The following BANK1 variants were observed in gnomAD, a reference collection of about 807,000 sequenced individuals.
BANK1 encodes the protein B cell scaffold protein with ankyrin repeats 1, also known as B-cell scaffold protein with ankyrin repeats.
BANK1 carries 95 observed loss-of-function variants against 94.5 expected under a neutral mutation model. The observed-to-expected ratio is 1.00, with a 90% CI of 0.85 to 1.19. The LOEUF is 1.19. Among genes scored for constraint, BANK1 ranks in the 50% most tolerant of loss-of-function variants. The probability of loss-of-function intolerance (pLI) is 0.00; values close to 1 mark genes in which losing one functional copy is unlikely to be tolerated. For missense variants in BANK1, 987 were observed against 932.2 expected (o/e 1.06, Z -0.77); for synonymous variants, 334 against 308.4 (o/e 1.08, Z -0.87).
At chr4:102,047,635 G>GA (rs1392680247) in intron 11 of BANK1, among the ~76,000 whole-genome samples, 1 of 152,032 alleles carries the variant, frequency 6.6e-6, no homozygotes, top group Non-Finnish European at 1.5e-5. Context: ...ATTTTTGGGA[G>GA]AAAAATCCCT....
chr4:101,978,148 TA>T (rs201330510), intron 7 of BANK1, among the ~76,000 whole-genome samples: 14,992 of 145,284 alleles, frequency 0.1, 945 homozygotes, highest in East Asian at 0.19. Context: ...AGTAGGTACT[TA>T]AAAAAAAAAA....
At chr4:102,059,094 T>TCAA (rs1220394655) in intron 11 of BANK1, among the ~76,000 whole-genome samples, 1 of 152,222 alleles carries the variant, frequency 6.6e-6, no homozygotes, top group Non-Finnish European at 1.5e-5. Context: ...CCTAGTTATA[T>TCAA]CAACAAATTC....
intron 10 of BANK1, among the ~76,000 whole-genome samples, chr4:102,033,914 T>G (rs2148952192): frequency 6.6e-6 from 1 of 152,372 alleles, no homozygotes; most frequent in South Asian, 2.1e-4. Flanking sequence ...CCTTTTTCTT[T>G]TATGCAATTG....
intron 2 of BANK1, among the ~76,000 whole-genome samples, chr4:101,831,536 A>G (rs891373283): frequency 1.3e-5 from 2 of 152,228 alleles, no homozygotes; most frequent in African/African-American, 2.4e-5. Context: ...GTGCAGTGGC[A>G]TGAACTTGGT....
intron 13 of BANK1, among the ~76,000 whole-genome samples, chr4:102,067,425 T>C (rs1293127969): frequency 6.6e-6 from 1 of 151,980 alleles, no homozygotes; most frequent in African/African-American, 2.4e-5. Flanking sequence ...ATTTTAGATA[T>C]AAAACACAGA....
At chr4:101,873,716 A>G (rs895901198) in intron 5 of BANK1, among the ~76,000 whole-genome samples, 4 of 152,148 alleles carry the variant, frequency 2.6e-5, no homozygotes, top group Non-Finnish European at 5.9e-5. Flanking sequence ...ATAGCCTCAT[A>G]AAGGTGAAAT....
intron 1 of BANK1, among the ~76,000 whole-genome samples, chr4:101,801,292 T>C (rs1725347927): frequency 6.6e-6 from 1 of 152,224 alleles, no homozygotes; most frequent in African/African-American, 2.4e-5. Flanking sequence ...TGAATTTATT[T>C]GATGAAATAA....
intron 7 of BANK1, among the ~76,000 whole-genome samples, chr4:101,960,164 AT>A (rs1724519589): frequency 6.6e-6 from 1 of 152,146 alleles, no homozygotes; most frequent in African/African-American, 2.4e-5. Context: ...AAATCACCAA[AT>A]TACCATAGTC....
At chr4:102,002,544 TAC>T (rs10559889) in intron 7 of BANK1, among the ~76,000 whole-genome samples, 53,875 of 147,814 alleles carry the variant, frequency 0.36, 10,070 homozygotes, top group Non-Finnish European at 0.4. Context: ...TTAATACAAA[TAC>T]ACACACACAC....
intron 2 of BANK1, among the ~76,000 whole-genome samples, chr4:101,834,882 A>G (rs1726765849): frequency 6.6e-6 from 1 of 152,172 alleles, no homozygotes; most frequent in Non-Finnish European, 1.5e-5. Context: ...AGAGAAAGCT[A>G]TTTTATAATT....
intron 7 of BANK1, among the ~76,000 whole-genome samples, chr4:101,958,059 GA>G (rs2148917666): frequency 1.4e-5 from 1 of 69,330 alleles, no homozygotes; most frequent in East Asian, 3.1e-4. Flanking sequence ...TGTTAGCCAG[GA>G]TGGTCTCGCT....
chr4:102,035,664 A>C (rs986983761), intron 10 of BANK1, among the ~76,000 whole-genome samples: 4 of 142,310 alleles, frequency 2.8e-5, no homozygotes, highest in African/African-American at 1.0e-4. Context: ...AAAAAAAAAA[A>C]ACTGAACCCA....
intron 1 of BANK1, among the ~76,000 whole-genome samples, chr4:101,800,421 T>C (rs1473016382): frequency 6.6e-6 from 1 of 152,196 alleles, no homozygotes; most frequent in Non-Finnish European, 1.5e-5. Context: ...GTATTGATCT[T>C]AATGGAGAAT....
At chr4:101,902,644 C>T (rs1722322763) in intron 6 of BANK1, among the ~76,000 whole-genome samples, 1 of 152,184 alleles carries the variant, frequency 6.6e-6, no homozygotes, top group South Asian at 2.1e-4. Flanking sequence ...CATTTATATA[C>T]TTTTTTACAT....
chr4:101,871,256 A>G (rs1728276977), intron 5 of BANK1, among the ~76,000 whole-genome samples: 1 of 152,118 alleles, frequency 6.6e-6, no homozygotes, highest in African/African-American at 2.4e-5. Context: ...ATTTATAACA[A>G]TTTGATAACT....
chr4:101,909,107 C>A (rs184608626), intron 6 of BANK1, among the ~76,000 whole-genome samples: 2 of 152,018 alleles, frequency 1.3e-5, no homozygotes, highest in Admixed American at 6.6e-5. Context: ...CACATGCACA[C>A]GTATGCTTAT....
At chr4:101,926,800 C>T (rs1723167533) in intron 7 of BANK1, among the ~76,000 whole-genome samples, 1 of 151,670 alleles carries the variant, frequency 6.6e-6, no homozygotes, top group African/African-American at 2.4e-5. Context: ...AAGAGAAATT[C>T]ATGCATTTAT....
At chr4:101,967,485 T>C (rs965833665) in intron 7 of BANK1, among the ~76,000 whole-genome samples, 1 of 151,832 alleles carries the variant, frequency 6.6e-6, no homozygotes, top group African/African-American at 2.4e-5. Flanking sequence ...TTTAAACAAA[T>C]TGAGAAAGGG....
At chr4:101,843,081 A>C (rs1439457160) in intron 2 of BANK1, among the ~76,000 whole-genome samples, 1 of 152,212 alleles carries the variant, frequency 6.6e-6, no homozygotes, top group Non-Finnish European at 1.5e-5. Flanking sequence ...TTTCTGTTGG[A>C]AACATTTTCT....
Sources: gnomAD v4.1 joint callset for allele counts (sites outside exome capture counted in the v4.1 genomes callset) on GRCh38, gnomAD v4.1.1 for gene constraint, MANE v1.5 for transcripts, NCBI Gene and HGNC (gene_info 2026-07-23, HGNC 2026-07-21) for gene names.